The following EFL1 variants were observed in gnomAD, a reference collection of about 807,000 sequenced individuals.
EFL1 encodes the protein elongation factor like GTPase 1.
EFL1 carries 76 observed loss-of-function variants against 126.7 expected under a neutral mutation model. That is an observed-to-expected ratio of 0.60 (90% CI 0.50 to 0.73). The LOEUF (loss-of-function observed/expected upper bound fraction) is 0.73, where lower values mean the gene tolerates loss of function less well. Among genes scored for constraint, EFL1 ranks in the 30% least tolerant of loss-of-function variants. The pLI is 0.00. For synonymous variants in EFL1, 410 were observed against 448.4 expected (o/e 0.91, Z 1.08); for missense variants, 1,128 against 1,343.2 (o/e 0.84, Z 2.50).
chr15:82,163,937 TAC>T lies in EFL1; in HGVS notation c.1796_1797del (p.Cys599Ter), dbSNP rs764382381. 10 of 1,614,152 alleles carry T rather than the reference TAC, an allele frequency of 6.2e-6. No homozygotes were observed. Among genetic ancestry groups the T allele is most frequent in the Admixed American group, 1.7e-5 (1 of 60,022 alleles). The part of the protein sequence containing the change: ...QDFVLKSATL[C>X]SLPSCPPFIP... ...ATAAATGGTGGGCAGGATGGCAGGC[TAC>T]ACAGTGTTGCAGATTTCAGCACAAA... On this transcript the variant is annotated frameshift_variant, in exon 16 of 20. Coordinates refer to ENST00000268206, the MANE Select transcript of EFL1 (RefSeq NM_024580.6). LOFTEE classifies it high-confidence loss of function.
chr15:82,248,947 C>T (rs1277055444), intron 4 of EFL1, among the ~76,000 whole-genome samples: 2 of 151,812 alleles, frequency 1.3e-5, no homozygotes, highest in African/African-American at 4.8e-5. Flanking sequence ...ATAATCACAT[C>T]TGACAGGTGT....
At chr15:82,230,732 T>G in intron 8 of EFL1, 116 bp downstream of exon 8, 1 of 1,283,612 alleles carries the variant, frequency 7.8e-7, no homozygotes, top group Non-Finnish European at 1.0e-6. Context: ...AAAAAATCCC[T>G]CATGAACTCA....
chr15:82,195,233 A>C (rs1475765538), intron 15 of EFL1, among the ~76,000 whole-genome samples: 1 of 152,204 alleles, frequency 6.6e-6, no homozygotes, highest in African/African-American at 2.4e-5. Context: ...TCAGACTTTA[A>C]TGAGCCAAAC....
chr15:82,154,995 T>C (rs1372638317), intron 17 of EFL1, among the ~76,000 whole-genome samples: 1 of 152,224 alleles, frequency 6.6e-6, no homozygotes, highest in Non-Finnish European at 1.5e-5. Flanking sequence ...TGTTTTGAAC[T>C]TCATATAAAT....
At chr15:82,210,532 A>G (rs956038410) in intron 15 of EFL1, among the ~76,000 whole-genome samples, 19 of 152,210 alleles carry the variant, frequency 1.2e-4, no homozygotes, top group Middle Eastern at 3.4e-3. Flanking sequence ...TAGCCTCCAT[A>G]TGACTTTAGC....
chr15:82,211,516 ACT>A (rs2074585298), intron 15 of EFL1, among the ~76,000 whole-genome samples: 1 of 145,730 alleles, frequency 6.9e-6, no homozygotes, highest in South Asian at 2.2e-4. Flanking sequence ...ACAGAGTGAG[ACT>A]CTGTCTCAAA....
intron 15 of EFL1, among the ~76,000 whole-genome samples, chr15:82,185,177 G>C (rs1278007905): frequency 1.1e-5 from 1 of 89,188 alleles, no homozygotes; most frequent in Non-Finnish European, 2.3e-5. Flanking sequence ...GGCTGTGTGT[G>C]TGTGTGTGTG....
chr15:82,130,644 G>T, intron 19 of EFL1, 83 bp from the exon 20 acceptor site: 1 of 1,426,198 alleles, frequency 7.0e-7, no homozygotes, highest in Non-Finnish European at 9.6e-7. Flanking sequence ...AATTTATATA[G>T]TCTTAGCTAA....
intron 12 of EFL1, among the ~76,000 whole-genome samples, chr15:82,222,482 T>A (rs910491793): frequency 6.6e-6 from 1 of 152,338 alleles, no homozygotes; most frequent in Non-Finnish European, 1.5e-5. Flanking sequence ...CACTTGCAGA[T>A]TAAATCCTCA....
intron 15 of EFL1, among the ~76,000 whole-genome samples, chr15:82,178,910 G>C (rs1327660308): frequency 1.3e-5 from 2 of 152,112 alleles, no homozygotes; most frequent in Non-Finnish European, 2.9e-5. Flanking sequence ...GGGAGGCTGA[G>C]GAAGGAGGCC....
In EFL1 at chr15:82,147,146, C is replaced by T. The variant is rs146392031; in HGVS notation, c.2989+4319G>A. 3.9e-5 allele frequency among the ~76,000 whole-genome samples: 6 copies of T among 152,242 alleles called. No individual in the cohort carries two copies. In the East Asian group the frequency reaches 1.2e-3, roughly 29 times the overall value. On this transcript the variant is annotated intron_variant, in intron 18 of 19. Coordinates refer to ENST00000268206, the MANE Select transcript of EFL1 (RefSeq NM_024580.6). ...GATAAACACCAACAGCTGATTCTGG[C>T]TTCACGTGTTGTGCTGAAAATTCAT...
At chr15:82,156,360 C>T (rs2073967101) in intron 17 of EFL1, among the ~76,000 whole-genome samples, 1 of 152,150 alleles carries the variant, frequency 6.6e-6, no homozygotes, top group South Asian at 2.1e-4. Flanking sequence ...GATCTCAGCT[C>T]ACCACAGTCT....
At chr15:82,186,840 T>C (rs142401067) in intron 15 of EFL1, among the ~76,000 whole-genome samples, 1 of 152,294 alleles carries the variant, frequency 6.6e-6, no homozygotes, top group Non-Finnish European at 1.5e-5. Context: ...TCTTTGATGA[T>C]CGAGGCTTGT....
At chr15:82,178,406 T>C (rs1235999883) in intron 15 of EFL1, among the ~76,000 whole-genome samples, 1 of 152,196 alleles carries the variant, frequency 6.6e-6, no homozygotes, top group Non-Finnish European at 1.5e-5. Context: ...CATAGATACA[T>C]GAACACTAGG....
intron 7 of EFL1, among the ~76,000 whole-genome samples, chr15:82,231,616 AG>A (rs1279745167): frequency 1.3e-5 from 2 of 152,052 alleles, no homozygotes; most frequent in African/African-American, 4.8e-5. Flanking sequence ...TTAAGGTTTG[AG>A]ATTAGAATTT....
chr15:82,236,732 A>T (rs1408258550), intron 7 of EFL1, among the ~76,000 whole-genome samples: 2 of 152,254 alleles, frequency 1.3e-5, no homozygotes, highest in Non-Finnish European at 2.9e-5. Flanking sequence ...TATAGAAAAA[A>T]ATGAGAGACA....
chr15:82,217,373 G>GAAAAAAAAAAAAAAAAAAAAAAAAAA, intron 14 of EFL1, among the ~76,000 whole-genome samples: 11 of 27,148 alleles, frequency 4.1e-4, no homozygotes, highest in African/African-American at 5.9e-4. Context: ...GATTAGATTT[G>GAAAAAAAAAAAAAAAAAAAAAAAAAA]AAAAAAAAAA....
chr15:82,174,430 A>C (rs2074172227), intron 15 of EFL1: 1 of 152,216 alleles, frequency 6.6e-6, no homozygotes, highest in African/African-American at 2.4e-5. Flanking sequence ...TAGAAGTTAA[A>C]AAAAGCCTTT....
At chr15:82,228,127 A>C in intron 10 of EFL1, 64 bp downstream of exon 10, 1 of 1,532,794 alleles carries the variant, frequency 6.5e-7, no homozygotes, top group Non-Finnish European at 8.7e-7. Context: ...TGGTTACCAT[A>C]ACGCATTGTT....
Sources: gnomAD v4.1 joint callset for allele counts (sites outside exome capture counted in the v4.1 genomes callset) on GRCh38, gnomAD v4.1.1 for gene constraint, MANE v1.5 for transcripts, NCBI Gene and HGNC (gene_info 2026-07-23, HGNC 2026-07-21) for gene names.